OSBPL7: variants seen among roughly 807,000 people sequenced by gnomAD.
OSBPL7 encodes oxysterol-binding protein-related protein 7.
In OSBPL7, 66 loss-of-function variants were observed where a neutral mutation model predicts 115.8. That is an observed-to-expected ratio of 0.57 (90% confidence interval 0.47 to 0.70). The LOEUF (loss-of-function observed/expected upper bound fraction) is 0.70. OSBPL7 is among the 30% of genes least tolerant of loss of function. The pLI is 0.00. For synonymous variants in OSBPL7, 441 were observed against 439.2 expected (o/e 1.00, Z -0.05); for missense variants, 902 against 1,125.5 (o/e 0.80, Z 2.84).
chr17:47,813,163 C>T, intron 16 of OSBPL7, 103 bp downstream of exon 16: 1 of 1,489,358 alleles, frequency 6.7e-7, no homozygotes, highest in Non-Finnish European at 9.1e-7. Context: ...TGCCCACGCT[C>T]CTCTCCCAGG....
rs779655532 is a variant in OSBPL7 at position 47,818,328 on chromosome 17, G to A, written c.539C>T (p.Pro180Leu). Reference sequence around the variant, plus strand: ...CAGCCAGGAAGACACTTTCTCCCGCGGTCCAAGCCCAGGTAGGGCTGAGGC... The same window carrying A: ...CAGCCAGGAAGACACTTTCTCCCGCAGTCCAAGCCCAGGTAGGGCTGAGGC... Reference protein sequence around the residue: ...ATASALPGLGPREKVSSWLRD... With the variant: ...ATASALPGLGLREKVSSWLRD... Residue 180 changes from proline to leucine, a missense_variant, in exon 7 of 23, where the codon CCG (proline) becomes CTG (leucine). By Grantham distance (98) the Pro-to-Leu change is moderately conservative. This residue lies in a region of OSBPL7 where 667 missense variants were observed against 788.7 expected (regional missense o/e 0.85). Coordinates refer to ENST00000007414, the MANE Select transcript of OSBPL7 (RefSeq NM_145798.3). 7.1e-5 allele frequency: 115 copies of A among 1,614,044 alleles called. No individual in the cohort carries two copies. The highest frequency in any genetic ancestry group is 4.9e-4 in the Middle Eastern group (3 of 6,080).
At position 47,808,735 on chromosome 17, in the gene OSBPL7, C is replaced by A. The variant is rs539967251; in HGVS notation, c.2298-75G>T. 1.1e-5 allele frequency: 18 copies of A among 1,605,594 alleles called. No individual in the cohort carries two copies. The East Asian group carries it at 4.0e-4, about 36-fold the overall frequency. On this transcript the variant is annotated intron_variant, in intron 21 of 22. Transcript: ENST00000007414. The surrounding 1 kb of genome is among the most constrained non-coding windows in gnomAD (Gnocchi z 6.1). ...CAAACCCAAGGCCTCTGTCTCTGCC[C>A]AACTCTGTCCTCTAGACAAGCCCCA...
chr17:47,813,532 A>T (rs55928544), intron 15 of OSBPL7, 55 bp downstream of exon 15: 4 of 1,587,090 alleles, frequency 2.5e-6, no homozygotes, highest in African/African-American at 2.7e-5. Flanking sequence ...GGGAGAAAAG[A>T]TCCCAGGGAG....
Position 47,814,562 on chromosome 17 carries a change from TCAGA to T in OSBPL7, c.1306_1309del (p.Ser436ArgfsTer41). The T allele has an allele frequency of 3.4e-6, 5 of 1,482,956 alleles. No homozygotes were observed. The highest frequency in any genetic ancestry group is 4.5e-6 in the Non-Finnish European group (5 of 1,099,358). The allele number at this position is 1,482,956 out of a possible 1,614,324, so 91.9% of individuals were successfully genotyped here. ...AGCTCCCCTGAGGTCCAGCATCTCCTCAGACAGGCTGGTGGTGATTTCACTGGTA... is the reference window on the plus strand; with the variant it reads ...AGCTCCCCTGAGGTCCAGCATCTCCTCAGGCTGGTGGTGATTTCACTGGTA... On this transcript the variant is annotated frameshift_variant, in exon 14 of 23. Coordinates refer to ENST00000007414, the MANE Select transcript of OSBPL7 (RefSeq NM_145798.3). LOFTEE classifies it high-confidence loss of function.
In OSBPL7 at chr17:47,818,335, G is replaced by A. The variant is rs773525378; in HGVS notation, c.532C>T (p.Leu178Phe). ...GAAGACACTTTCTCCCGCGGTCCAA[G>A]CCCAGGTAGGGCTGAGGCAGTAGCT... is the stretch of plus-strand genomic sequence containing the variant. ...TAATASALPG[L>F]GPREKVSSWL... Residue 178 changes from leucine (L) to phenylalanine (F), a missense_variant, in exon 7 of 23, where the codon CTT becomes TTT. Leu to Phe is a conservative substitution (Grantham distance 22). Coordinates refer to ENST00000007414, the MANE Select transcript of OSBPL7 (RefSeq NM_145798.3). The A allele has an allele frequency of 6.2e-7, 1 of 1,614,072 alleles. No homozygotes were observed. The highest frequency in any genetic ancestry group is 1.3e-5 in the African/African-American group (1 of 74,938).
rs1223539183 is a variant in OSBPL7 at position 47,808,337 on chromosome 17, C to G, written c.2483G>C (p.Arg828Pro). The G allele has an allele frequency of 9.3e-6, 15 of 1,614,066 alleles. No individual in the cohort carries two copies. The highest frequency in any genetic ancestry group is 1.2e-5 in the Non-Finnish European group (14 of 1,179,996). ...CATGTTCCCATAGCCTGGCTCGGCC[C>G]GCAGCCTCCAGTAGGTATTGTTGGT... ...WVTNNTYWRL[R>P]AEPGYGNMDG... Residue 828 changes from arginine (R) to proline (P), a missense_variant, in exon 23 of 23, where the codon CGG (arginine) becomes CCG (proline). Arg to Pro is a moderately radical substitution (Grantham distance 103, BLOSUM62 -2). Coordinates refer to ENST00000007414, the MANE Select transcript of OSBPL7 (RefSeq NM_145798.3). This position sits in a 1 kb window ranked among gnomAD's most constrained non-coding sequence, Gnocchi z 6.1.
At position 47,818,537 on chromosome 17, in the gene OSBPL7, C is replaced by T. The variant is rs564614856; in HGVS notation, c.449G>A (p.Arg150His). The T allele has an allele frequency of 1.4e-5, 22 of 1,609,034 alleles. No homozygotes were observed. The East Asian group carries it at 1.8e-4, about 13-fold the overall frequency. The change falls in exon 6 of 23, where the codon CGT (arginine) becomes CAT (histidine). Residue 150 changes from arginine to histidine, a missense_variant. By Grantham distance (29) the Arg-to-His change is conservative. Coordinates refer to ENST00000007414, the MANE Select transcript of OSBPL7 (RefSeq NM_145798.3). ...HRLAHRLDMPRGSLPSTAHRK... is the reference protein window; with the variant it reads ...HRLAHRLDMPHGSLPSTAHRK... ...GTGAGCAGTACTGGGCAGTGAGCCACGGGGCATGTCCAGGCGGTGGGCTAG... is the reference window on the plus strand; with the variant it reads ...GTGAGCAGTACTGGGCAGTGAGCCATGGGGCATGTCCAGGCGGTGGGCTAG...
At position 47,816,978 on chromosome 17, in the gene OSBPL7, C is replaced by T. The variant is rs1034442096; in HGVS notation, c.703-106G>A. On this transcript the variant is annotated intron_variant, in intron 8 of 22. Transcript: ENST00000007414. This position sits in a 1 kb window ranked among gnomAD's most constrained non-coding sequence, Gnocchi z 5.8. ...CGGCCTCCTGCGCCATGGAGGAGGGCGCAGATTACCCAGCACAGAGGATGC... is the reference window on the plus strand; with the variant it reads ...CGGCCTCCTGCGCCATGGAGGAGGGTGCAGATTACCCAGCACAGAGGATGC... 6.4e-6 allele frequency: 7 copies of T among 1,101,214 alleles called. No individual in the cohort carries two copies. The highest frequency in any genetic ancestry group is 3.6e-5 in the Admixed American group (2 of 55,414). 68.2% of individuals were successfully genotyped at this position (1,101,214 alleles called of 1,614,324 possible).
At chr17:47,813,201 C>A (rs1036690316) in intron 16 of OSBPL7, 65 bp downstream of exon 16, 2 of 1,594,638 alleles carry the variant, frequency 1.3e-6, no homozygotes, top group East Asian at 4.5e-5. Flanking sequence ...CAGTTCTGGT[C>A]CCAAAGCCCA....
chr17:47,809,418 A>C lies in OSBPL7; in HGVS notation c.1941T>G (p.Gly647=). The change falls in exon 19 of 23, where the codon GGT becomes GGG. Residue 647 remains glycine (G), a synonymous_variant. Coordinates refer to ENST00000007414, the MANE Select transcript of OSBPL7 (RefSeq NM_145798.3). ...CCCCATAGTGCTCGATCCAGCGCTGACCACTCAGGACATTGTGAATGCAGG... is the reference window on the plus strand; with the variant it reads ...CCCCATAGTGCTCGATCCAGCGCTGCCCACTCAGGACATTGTGAATGCAGG... ...VTSCIHNVLS[G]QRWIEHYGEV... 1 of 1,614,054 alleles carries C rather than the reference A, an allele frequency of 6.2e-7. No individual in the cohort carries two copies. The highest frequency in any genetic ancestry group is 8.5e-7 in the Non-Finnish European group (1 of 1,179,940).
intron 8 of OSBPL7, 38 bp downstream of exon 8, chr17:47,817,218 G>C: frequency 6.7e-7 from 1 of 1,493,496 alleles, no homozygotes; most frequent in Non-Finnish European, 9.1e-7. Flanking sequence ...TGGGATCGGG[G>C]GCCTGAGCAG....
In OSBPL7 at chr17:47,808,856, G is replaced by A. The variant is rs1567937742; in HGVS notation, c.2297+8C>T. 6.2e-7 allele frequency: 1 copy of A among 1,614,202 alleles called. No homozygotes were observed. Among genetic ancestry groups the A allele is most frequent in the Admixed American group, 1.7e-5 (1 of 60,036 alleles). ...ATGGTTCTAGGCCGGCACCCATCCG[G>A]CACTGACCTCTGGTCTGGCCGGAGT... On this transcript the variant is annotated splice_region_variant and intron_variant, in intron 21 of 22. Transcript: ENST00000007414. This position sits in a 1 kb window ranked among gnomAD's most constrained non-coding sequence, Gnocchi z 6.1.
In OSBPL7 at chr17:47,819,780, T is replaced by G; in HGVS notation, c.204A>C (p.Arg68Ser). 6.2e-7 allele frequency: 1 copy of G among 1,614,076 alleles called. No individual in the cohort carries two copies. The highest frequency in any genetic ancestry group is 8.5e-7 in the Non-Finnish European group (1 of 1,180,016). ...RKWPLKGWHK[R>S]YFVLEDGILH... is the part of the protein sequence containing the mutation. ...GGATCCCGTCCTCGAGCACAAAGTA[T>G]CTCTGTGATGTTGCCCAGGAGTGAC... Residue 68 changes from arginine (R) to serine (S), a missense_variant and splice_region_variant, in exon 4 of 23, where the codon AGA (arginine) becomes AGC (serine). By Grantham distance (110) the Arg-to-Ser change is moderately radical. Transcript: ENST00000007414.
At chr17:47,809,963 G>C (rs2032990101) in intron 18 of OSBPL7, among the ~76,000 whole-genome samples, 2 of 149,196 alleles carry the variant, frequency 1.3e-5, no homozygotes, top group Non-Finnish European at 3.0e-5. Flanking sequence ...AGGCAGGCTG[G>C]AGTGCAGTGC....
chr17:47,816,429 G>T lies in OSBPL7; in HGVS notation c.982C>A (p.Leu328Met), dbSNP rs1364277364. 5 of 1,542,528 alleles carry T rather than the reference G, an allele frequency of 3.2e-6. No homozygotes were observed. Among genetic ancestry groups the T allele is most frequent in the Non-Finnish European group, 4.4e-6 (5 of 1,142,244 alleles). The change falls in exon 11 of 23, where the codon CTG (leucine) becomes ATG (methionine). Residue 328 changes from leucine (L) to methionine (M), a missense_variant. Physicochemically the swap from Leu to Met is conservative, Grantham distance 15. Coordinates refer to ENST00000007414, the MANE Select transcript of OSBPL7 (RefSeq NM_145798.3). The surrounding 1 kb of genome is among the most constrained non-coding windows in gnomAD (Gnocchi z 5.8). ...LAALTMERDQ[L>M]RDMHQGSELS... The stretch of plus-strand genomic sequence containing the variant: ...TCTGAGCCCTGGTGCATGTCCCTCA[G>T]TTGGTCCCGTTCCATGGTGAGGGCG...
Position 47,808,422 on chromosome 17 carries a change from G to C in OSBPL7, c.2421-23C>G. 1 of 1,613,978 alleles carries C rather than the reference G, an allele frequency of 6.2e-7. No homozygotes were observed. The highest frequency in any genetic ancestry group is 8.5e-7 in the Non-Finnish European group (1 of 1,179,816). On this transcript the variant is annotated intron_variant, in intron 22 of 22. Transcript: ENST00000007414. The surrounding 1 kb of genome is among the most constrained non-coding windows in gnomAD (Gnocchi z 6.1). ...CGCCTGGTGGGAGAAGGCGGTGGCA[G>C]TGAGGGGTGAACATCTAGAAGGCAG...
chr17:47,812,573 C>T (rs1266724012), intron 16 of OSBPL7, among the ~76,000 whole-genome samples: 1 of 152,242 alleles, frequency 6.6e-6, no homozygotes, highest in Admixed American at 6.5e-5. Flanking sequence ...AGACTTCTCC[C>T]TCTCAACAAA....
intron 14 of OSBPL7, 142 bp from the exon 15 acceptor site, chr17:47,813,976 G>C: frequency 8.5e-7 from 1 of 1,182,312 alleles, no homozygotes; most frequent in Non-Finnish European, 1.2e-6. Flanking sequence ...CTCACAGCAG[G>C]GCAGGGTGAC....
chr17:47,819,829 G>A lies in OSBPL7; in HGVS notation c.202-47C>T, dbSNP rs771617311. On this transcript the variant is annotated intron_variant, in intron 3 of 22. Coordinates refer to ENST00000007414, the MANE Select transcript of OSBPL7 (RefSeq NM_145798.3). ...ACAGGACCCGGGAGGCCGAGAGGAA[G>A]GGCATGAGGGAGAAGGCAACCACAC... 9 of 1,612,908 alleles carry A rather than the reference G, an allele frequency of 5.6e-6. No homozygotes were observed. The Admixed American group carries it at 8.3e-5, about 15-fold the overall frequency.
Sources: gnomAD v4.1 joint callset for allele counts (sites outside exome capture counted in the v4.1 genomes callset) on GRCh38, gnomAD v4.1.1 for gene constraint, gnomAD v4.1.1 regional missense constraint, Gnocchi (gnomAD v3.1) non-coding constraint, MANE v1.5 for transcripts, NCBI Gene and HGNC (gene_info 2026-07-23, HGNC 2026-07-21) for gene names.